Variants in AKT2 observed in about 807,000 individuals in gnomAD.
The protein encoded by AKT2 is AKT serine/threonine kinase 2, also known as RAC-beta serine/threonine-protein kinase.
AKT2 carries 16 observed loss-of-function variants against 58.6 expected under a neutral mutation model. The observed-to-expected ratio is 0.27, with a 90% CI of 0.18 to 0.41. The LOEUF is 0.41. AKT2 is among the 10% of genes least tolerant of loss of function. AKT2 has a pLI of 1.00. For synonymous variants in AKT2, 253 were observed against 254.0 expected, an observed-to-expected ratio of 1.00 and a Z score of 0.04; for missense variants, 438 against 661.0, an observed-to-expected ratio of 0.66 and a Z score of 3.70.
rs530575301 is a variant in AKT2, at chr19:40,238,555, G to A, written c.708+350C>T. Among the ~76,000 whole-genome samples the A allele has an allele frequency of 2.2e-3, 334 of 152,260 alleles. No individual in the cohort carries two copies. The highest frequency in any genetic ancestry group is 4.4e-3 in the Non-Finnish European group (296 of 68,030). On this transcript the variant is annotated intron_variant, in intron 8 of 13. Coordinates refer to ENST00000392038, the MANE Select transcript of AKT2 (RefSeq NM_001626.6). This position sits in a 1 kb window ranked among gnomAD's most constrained non-coding sequence, Gnocchi z 5.1. ...GCGGGAATTCACTTCGAGAGGACAC[G>A]GGAACGGAGGGCTGCTAGGTTTTAA...
chr19:40,231,321 A>G lies in AKT2; in HGVS notation c.*2551T>C, dbSNP rs184855929. The G allele has an allele frequency of 2.8e-3, 641 of 232,568 alleles. 2 individuals are homozygous for G. Among genetic ancestry groups the G allele is most frequent in the Non-Finnish European group, 4.5e-3 (535 of 117,658 alleles). 14.4% of individuals were successfully genotyped at this position (232,568 alleles called of 1,614,324 possible). A position where few individuals can be genotyped will look rare whatever the true frequency, so the allele number is the denominator to read the frequency against. ...GTGTGAGGAGCAGCAACGTGGGTCA[A>G]CTCGGGGCTGGGACGAGATGGAAGA... On this transcript the variant is annotated 3_prime_UTR_variant, in exon 14 of 14. Coordinates refer to ENST00000392038, the MANE Select transcript of AKT2 (RefSeq NM_001626.6).
intron 7 of AKT2, 39 bp from the exon 8 acceptor site, chr19:40,239,012 G>A (rs1974207602): frequency 6.3e-7 from 1 of 1,598,172 alleles, no homozygotes; most frequent in Non-Finnish European, 8.6e-7. Flanking sequence ...GTGGGAGGGA[G>A]GAGGGCTCTG....
chr19:40,241,995 C>T lies in AKT2; in HGVS notation c.516G>A (p.Lys172=), dbSNP rs1599981221. ...TFGKVILVRE[K]ATGRYYAMKI... ...TCATGGCGTAGTAGCGGCCAGTGGC[C>T]TTCTCCCGCACCAGGATGACTTTGC... is the stretch of plus-strand genomic sequence containing the variant. Residue 172 remains lysine (K), a synonymous_variant, in exon 6 of 14, where the codon AAG becomes AAA. Coordinates refer to ENST00000392038, the MANE Select transcript of AKT2 (RefSeq NM_001626.6). 1 of 1,614,258 alleles carries T rather than the reference C, an allele frequency of 6.2e-7. No homozygotes were observed. The highest frequency in any genetic ancestry group is 8.5e-7 in the Non-Finnish European group (1 of 1,180,054).
intron 4 of AKT2, among the ~76,000 whole-genome samples, chr19:40,249,869 G>A (rs1487574599): frequency 2.0e-5 from 3 of 152,216 alleles, no homozygotes; most frequent in Non-Finnish European, 4.4e-5. Flanking sequence ...AGCTGGGGAA[G>A]GGCAAGACAG....
Position 40,232,762 on chromosome 19 carries a change from G to A in AKT2, c.*1110C>T, listed in dbSNP as rs966152059. On this transcript the variant is annotated 3_prime_UTR_variant, in exon 14 of 14. Transcript: ENST00000392038. ...CACCCACGTGTGCCTGCGTCCCGCC[G>A]ACACACGCAGTCCGAGGCACGCACA... is the stretch of plus-strand genomic sequence containing the variant. 19 of 233,634 alleles carry A rather than the reference G, an allele frequency of 8.1e-5. No individual in the cohort carries two copies. Among genetic ancestry groups the A allele is most frequent in the African/African-American group, 2.9e-4 (13 of 45,474 alleles). The allele number at this position is 233,634 out of a possible 1,614,324, so 14.5% of individuals were successfully genotyped here. A position where few individuals can be genotyped will look rare whatever the true frequency, so the allele number is the denominator to read the frequency against.
chr19:40,278,551 A>G (rs546386043), intron 1 of AKT2, among the ~76,000 whole-genome samples: 1 of 152,210 alleles, frequency 6.6e-6, no homozygotes, highest in South Asian at 2.1e-4. Context: ...GTTGGGCAGG[A>G]GTACAGTGGT....
At position 40,242,377 on chromosome 19, in the gene AKT2, T is replaced by C. The variant is rs1974467699; in HGVS notation, c.441+157A>G. ...TCCCCTACGGGCATGGAGCACACCC[T>C]AGGGCACCTGCCACCTGAAATCACC... On this transcript the variant is annotated intron_variant, in intron 5 of 13. Transcript: ENST00000392038. This position sits in a 1 kb window ranked among gnomAD's most constrained non-coding sequence, Gnocchi z 4.3. 3 of 1,215,440 alleles carry C rather than the reference T, an allele frequency of 2.5e-6. No individual in the cohort carries two copies. Among genetic ancestry groups the C allele is most frequent in the Non-Finnish European group, 3.6e-6 (3 of 837,560 alleles). 75.3% of individuals were successfully genotyped at this position (1,215,440 alleles called of 1,614,324 possible).
chr19:40,250,549 C>A (rs879573540), intron 4 of AKT2, among the ~76,000 whole-genome samples: 7 of 151,842 alleles, frequency 4.6e-5, no homozygotes, highest in Non-Finnish European at 7.4e-5. Context: ...CACAGATGGC[C>A]AGGCACAGTG....
intron 2 of AKT2, among the ~76,000 whole-genome samples, chr19:40,262,900 A>G (rs899981802): frequency 3.3e-5 from 5 of 152,238 alleles, no homozygotes; most frequent in African/African-American, 1.2e-4. Flanking sequence ...AAACAGCAGT[A>G]GTCAGCAGGG....
intron 2 of AKT2, among the ~76,000 whole-genome samples, chr19:40,263,830 C>T (rs1422454939): frequency 6.6e-6 from 1 of 152,180 alleles, no homozygotes; most frequent in Non-Finnish European, 1.5e-5. Flanking sequence ...CCCACTTACC[C>T]CCTCAGGACT....
chr19:40,267,050 G>T (rs941366518), intron 1 of AKT2, among the ~76,000 whole-genome samples: 4 of 151,988 alleles, frequency 2.6e-5, no homozygotes, highest in Non-Finnish European at 5.9e-5. Context: ...CATCCTGCCC[G>T]CGGCCTGGCT....
chr19:40,248,008 C>A (rs1157094131), intron 4 of AKT2, among the ~76,000 whole-genome samples: 1 of 152,214 alleles, frequency 6.6e-6, no homozygotes, highest in East Asian at 1.9e-4. Context: ...CAGTACGGGG[C>A]AAGCACAGGC....
rs1419826276 is a variant in AKT2 at position 40,236,412 on chromosome 19, G to A, written c.832-27C>T. 6 of 1,613,878 alleles carry A rather than the reference G, an allele frequency of 3.7e-6. No individual in the cohort carries two copies. The South Asian group carries it at 6.6e-5, about 18-fold the overall frequency. On this transcript the variant is annotated intron_variant, in intron 9 of 13. Transcript: ENST00000392038. ...TGTTGGAAAAGTCAACGGATCTCAG[G>A]TGCATGCTCCCAAGGCTTCCTGCCA... is the stretch of plus-strand genomic sequence containing the variant.
Position 40,237,866 on chromosome 19 carries a change from G to C in AKT2, c.831+103C>G. The C allele has an allele frequency of 1.3e-6, 2 of 1,531,258 alleles. No homozygotes were observed. Among genetic ancestry groups the C allele is most frequent in the Non-Finnish European group, 1.8e-6 (2 of 1,131,278 alleles). The allele number at this position is 1,531,258 out of a possible 1,614,324, so 94.9% of individuals were successfully genotyped here. Reference sequence around the variant, plus strand: ...CAGCCACCACCCTGGACCTTGGTGGGGAGCCTGGCGAATGAGGGCAGAAGC... The same window carrying C: ...CAGCCACCACCCTGGACCTTGGTGGCGAGCCTGGCGAATGAGGGCAGAAGC... On this transcript the variant is annotated intron_variant, in intron 9 of 13. Coordinates refer to ENST00000392038, the MANE Select transcript of AKT2 (RefSeq NM_001626.6). The surrounding 1 kb of genome is among the most constrained non-coding windows in gnomAD (Gnocchi z 4.5).
At chr19:40,273,965 C>T (rs1195503511) in intron 1 of AKT2, among the ~76,000 whole-genome samples, 4 of 152,184 alleles carry the variant, frequency 2.6e-5, no homozygotes, top group African/African-American at 9.7e-5. Context: ...TCTGCTCGCT[C>T]CAACACACAA....
chr19:40,255,425 G>A (rs1600053135), intron 3 of AKT2, 156 bp from the exon 4 acceptor site: 1 of 611,612 alleles, frequency 1.6e-6, no homozygotes, highest in Non-Finnish European at 3.0e-6. Flanking sequence ...TGTTCTCACA[G>A]GGCTCAGGGT....
chr19:40,267,706 ACT>A, intron 1 of AKT2, among the ~76,000 whole-genome samples: 1 of 152,004 alleles, frequency 6.6e-6, no homozygotes, highest in Middle Eastern at 3.4e-3. Flanking sequence ...ACACTACCAG[ACT>A]CTCTTCATGA....
Position 40,251,230 on chromosome 19 carries a change from A to T in AKT2, c.287+3928T>A, listed in dbSNP as rs564322184. Among the ~76,000 whole-genome samples, 8 of 152,314 alleles carry T rather than the reference A, an allele frequency of 5.3e-5. No individual in the cohort carries two copies. The East Asian group carries it at 1.5e-3, about 29-fold the overall frequency. On this transcript the variant is annotated intron_variant, in intron 4 of 13. Transcript: ENST00000392038. ...AAAAAAAAAGTTTTAAATTTAAAAA[A>T]TTTTAATTAAAATTTTAAAAGGGCC...
Position 40,233,776 on chromosome 19 carries a change from G to T in AKT2, c.*96C>A. The stretch of plus-strand genomic sequence containing the variant: ...GAAAGGGGGTGAGGAGGTGGGGGTG[G>T]GGACACAAACCAAAAAGGCTAAGTA... On this transcript the variant is annotated 3_prime_UTR_variant, in exon 14 of 14. Transcript: ENST00000392038. The surrounding 1 kb of genome is among the most constrained non-coding windows in gnomAD (Gnocchi z 4.3). 1 of 1,204,452 alleles carries T rather than the reference G, an allele frequency of 8.3e-7. No individual in the cohort carries two copies. Among genetic ancestry groups the T allele is most frequent in the Non-Finnish European group, 1.2e-6 (1 of 837,484 alleles). 74.6% of individuals were successfully genotyped at this position (1,204,452 alleles called of 1,614,324 possible).
Sources: allele counts gnomAD v4.1 joint callset (sites outside exome capture counted in the v4.1 genomes callset), GRCh38; gene constraint gnomAD v4.1.1; non-coding constraint Gnocchi (gnomAD v3.1); transcripts MANE v1.5; gene names NCBI Gene and HGNC (gene_info 2026-07-23, HGNC 2026-07-21).